PTDSS2: variants seen among roughly 807,000 people sequenced by gnomAD.
The protein encoded by PTDSS2 is phosphatidylserine synthase 2, also known as PSS-2.
A neutral mutation model predicts 64.7 loss-of-function variants in PTDSS2; 41 were observed. That is an observed-to-expected ratio of 0.63 (90% CI 0.49 to 0.82). PTDSS2 has a LOEUF of 0.82. PTDSS2 is among the 40% of genes least tolerant of loss of function. The pLI, the probability that PTDSS2 is intolerant of heterozygous loss-of-function variation, is 0.00. For synonymous variants in PTDSS2, 297 were observed against 277.8 expected (o/e 1.07, Z -0.69); for missense variants, 485 against 650.0 (o/e 0.75, Z 2.76).
chr11:450,221 T>G (rs983748265), upstream of PTDSS2: 144 of 364,784 alleles, frequency 3.9e-4, no homozygotes, highest in African/African-American at 2.9e-3. Context: ...AAGCACTGCG[T>G]CCAACCCGCG....
Position 479,487 on chromosome 11 carries a change from A to G in PTDSS2, c.435+335A>G, listed in dbSNP as rs1408517051. 5.2e-6 allele frequency: 2 copies of G among 385,994 alleles called. No homozygotes were observed. Among genetic ancestry groups the G allele is most frequent in the Non-Finnish European group, 9.6e-6 (2 of 209,024 alleles). The allele number at this position is 385,994 out of a possible 1,614,324, so 23.9% of individuals were successfully genotyped here. A position where few individuals can be genotyped will look rare whatever the true frequency, so the allele number is the denominator to read the frequency against. ...TGCAGGCACAGAAGAGGGCAGGGCC[A>G]GTGGTGCAGCTGCCAGGGTGGCTTT... On this transcript the variant is annotated intron_variant, in intron 4 of 11. Transcript: ENST00000308020. The surrounding 1 kb of genome is among the most constrained non-coding windows in gnomAD (Gnocchi z 4.2).
At chr11:480,908 C>T (rs1848040193) in intron 4 of PTDSS2, among the ~76,000 whole-genome samples, 1 of 152,040 alleles carries the variant, frequency 6.6e-6, no homozygotes, top group African/African-American at 2.4e-5. Flanking sequence ...CGGTGAAACC[C>T]CGTCTCTACT....
intron 3 of PTDSS2, among the ~76,000 whole-genome samples, chr11:477,862 G>A (rs970298430): frequency 2.6e-5 from 4 of 152,228 alleles, no homozygotes; most frequent in Non-Finnish European, 5.9e-5. Context: ...ATCCCAAGGC[G>A]TGAGGAAGAA....
rs958772511 is a variant in PTDSS2, at chr11:462,097, T to C, written c.284+1809T>C. Among the ~76,000 whole-genome samples, 3 of 152,072 alleles carry C rather than the reference T, an allele frequency of 2.0e-5. No individual in the cohort carries two copies. Among genetic ancestry groups the C allele is most frequent in the Admixed American group, 6.5e-5 (1 of 15,272 alleles). The stretch of plus-strand genomic sequence containing the variant: ...CAAGAGCAGGAGTGCAGGGGGTGTC[T>C]TGGGAGCACTCCCCGAAAGCATTCA... On this transcript the variant is annotated intron_variant, in intron 2 of 11. Coordinates refer to ENST00000308020, the MANE Select transcript of PTDSS2 (RefSeq NM_030783.3). The surrounding 1 kb of genome is among the most constrained non-coding windows in gnomAD (Gnocchi z 4.5).
At chr11:465,757 C>CG (rs1021177628) in intron 2 of PTDSS2, among the ~76,000 whole-genome samples, 110 of 150,488 alleles carry the variant, frequency 7.3e-4, no homozygotes, top group African/African-American at 2.6e-3. Context: ...AGGACCACCC[C>CG]CCCCCCATCT....
At chr11:456,166 CATTCT>C (rs1846584163) in intron 1 of PTDSS2, among the ~76,000 whole-genome samples, 1 of 141,958 alleles carries the variant, frequency 7.0e-6, no homozygotes, top group Non-Finnish European at 1.5e-5. Flanking sequence ...TGTTTTCTTT[CATTCT>C]TTTTTTTTTT....
At chr11:467,316 C>T (rs372150763) in intron 2 of PTDSS2, among the ~76,000 whole-genome samples, 18 of 152,152 alleles carry the variant, frequency 1.2e-4, no homozygotes, top group African/African-American at 4.3e-4. Flanking sequence ...AACAGGGAGA[C>T]GCCACTGCAT....
At chr11:456,084 C>T (rs1017656945) in intron 1 of PTDSS2, among the ~76,000 whole-genome samples, 11 of 152,108 alleles carry the variant, frequency 7.2e-5, no homozygotes, top group African/African-American at 1.7e-4. Context: ...AGAGCCACCG[C>T]GCTCCTGGCT....
At chr11:482,175 C>T (rs1848102493) in intron 4 of PTDSS2, among the ~76,000 whole-genome samples, 1 of 151,118 alleles carries the variant, frequency 6.6e-6, no homozygotes, top group South Asian at 2.1e-4. Context: ...CGTAGCTGCC[C>T]TGCCCAGAAC....
chr11:488,767 G>T, intron 8 of PTDSS2, 120 bp downstream of exon 8: 1 of 745,028 alleles, frequency 1.3e-6, no homozygotes, highest in South Asian at 1.6e-5. Flanking sequence ...CAGGAGGGGT[G>T]ACCGTGGGGC....
At chr11:475,440 G>T (rs949536199) in intron 3 of PTDSS2, among the ~76,000 whole-genome samples, 1 of 147,140 alleles carries the variant, frequency 6.8e-6, no homozygotes, top group Non-Finnish European at 1.5e-5. Flanking sequence ...AGACATTCAC[G>T]CGTTTGTGTG....
intron 4 of PTDSS2, among the ~76,000 whole-genome samples, chr11:484,970 G>A (rs1358546353): frequency 1.4e-5 from 2 of 141,446 alleles, no homozygotes; most frequent in Non-Finnish European, 3.0e-5. Context: ...GCGCAGGCGA[G>A]CGTAAACTGC....
At chr11:484,146 AT>A (rs1400425757) in intron 4 of PTDSS2, among the ~76,000 whole-genome samples, 1 of 152,194 alleles carries the variant, frequency 6.6e-6, no homozygotes, top group Non-Finnish European at 1.5e-5. Flanking sequence ...TTACACTTGC[AT>A]ATTTATTTCA....
upstream of PTDSS2, among the ~76,000 whole-genome samples, chr11:449,464 C>T (rs1276742849): frequency 6.6e-6 from 1 of 152,252 alleles, no homozygotes; most frequent in Non-Finnish European, 1.5e-5. Flanking sequence ...CAAAATGCTG[C>T]AACTAGGAGC....
At chr11:465,982 C>G (rs537552585) in intron 2 of PTDSS2, among the ~76,000 whole-genome samples, 1 of 152,132 alleles carries the variant, frequency 6.6e-6, no homozygotes, top group South Asian at 2.1e-4. Flanking sequence ...GTTAAGGGAA[C>G]GAAAAGGTGA....
rs780511650 is a variant in PTDSS2, at chr11:488,217, T to C, written c.640T>C (p.Trp214Arg). 1 of 1,612,852 alleles carries C rather than the reference T, an allele frequency of 6.2e-7. No homozygotes were observed. Among genetic ancestry groups the C allele is most frequent in the Middle Eastern group, 1.6e-4 (1 of 6,084 alleles). The change falls in exon 7 of 12, where the codon TGG becomes CGG. Residue 214 changes from tryptophan to arginine, a missense_variant. Physicochemically the swap from Trp to Arg is moderately radical, Grantham distance 101. This residue lies in a region of PTDSS2 where 251 missense variants were observed against 348.0 expected (regional missense o/e 0.72). Transcript: ENST00000308020. ...CCCACAGACCCTGATGATCCGAGAC[T>C]GGTGGATGTGCATGATCATCAGCGT... ...WYLKTLMIRD[W>R]WMCMIISVMF...
In PTDSS2 at chr11:490,811, C is replaced by CGTGTACGT. The variant is rs149316958; in HGVS notation, c.*230_*231insTGTACGTG. 2 of 582,022 alleles carry CGTGTACGT rather than the reference C, an allele frequency of 3.4e-6. No individual in the cohort carries two copies. The highest frequency in any genetic ancestry group is 6.1e-6 in the Non-Finnish European group (2 of 328,832). 36.1% of individuals were successfully genotyped at this position (582,022 alleles called of 1,614,324 possible). A position where few individuals can be genotyped will look rare whatever the true frequency, so the allele number is the denominator to read the frequency against. On this transcript the variant is annotated 3_prime_UTR_variant, in exon 12 of 12. Transcript: ENST00000308020. ...ATGCGTGTGTGTACGCGTGTGTACGCGCGTGTGTACACATGCGTGGCCGCC... is the reference window on the plus strand; with the variant it reads ...ATGCGTGTGTGTACGCGTGTGTACGCGTGTACGTGCGTGTGTACACATGCGTGGCCGCC...
chr11:453,694 C>A (rs550289587), intron 1 of PTDSS2, among the ~76,000 whole-genome samples: 2 of 152,356 alleles, frequency 1.3e-5, no homozygotes, highest in Non-Finnish European at 2.9e-5. Context: ...AGTGCCCGGT[C>A]CAGGAGCCTC....
chr11:488,394 G>T, intron 7 of PTDSS2, 82 bp downstream of exon 7: 1 of 1,369,226 alleles, frequency 7.3e-7, no homozygotes, highest in Non-Finnish European at 1.0e-6. Flanking sequence ...GCGGCCCCTG[G>T]ACCCCCTCAT....
Sources: gnomAD v4.1 joint callset for allele counts (sites outside exome capture counted in the v4.1 genomes callset) on GRCh38, gnomAD v4.1.1 for gene constraint, gnomAD v4.1.1 regional missense constraint, Gnocchi (gnomAD v3.1) non-coding constraint, MANE v1.5 for transcripts, NCBI Gene and HGNC (gene_info 2026-07-23, HGNC 2026-07-21) for gene names.